Variants in LDLRAD4 observed in about 807,000 individuals in gnomAD.
LDLRAD4 encodes low-density lipoprotein receptor class A domain-containing protein 4.
Under a neutral mutation model 17.0 loss-of-function variants are expected in LDLRAD4, and 5 were observed. The ratio of observed to expected loss-of-function variants is 0.29; its 90% CI spans 0.15 to 0.62. The LOEUF is 0.62. Ranked by LOEUF, LDLRAD4 falls within the 20% of genes least tolerant of loss-of-function variation. The pLI is 0.84. For synonymous variants in LDLRAD4, 168 were observed against 171.8 expected, an observed-to-expected ratio of 0.98 and a Z score of 0.17; for missense variants, 340 against 424.7, an observed-to-expected ratio of 0.80 and a Z score of 1.75.
chr18:13,262,665 C>T (rs111657641), intron 1 of LDLRAD4, among the ~76,000 whole-genome samples: 4 of 74,280 alleles, frequency 5.4e-5, no homozygotes, highest in East Asian at 4.8e-4. Flanking sequence ...GAGTCCCGTG[C>T]GGCCCTGTGC....
At chr18:13,616,322 A>T (rs538618557) in intron 3 of LDLRAD4, among the ~76,000 whole-genome samples, 2 of 152,164 alleles carry the variant, frequency 1.3e-5, no homozygotes, top group Admixed American at 1.3e-4. Context: ...GGGCATCTCA[A>T]TGCAGGGCTC....
chr18:13,288,011 G>A (rs917704380), intron 1 of LDLRAD4, among the ~76,000 whole-genome samples: 5 of 152,194 alleles, frequency 3.3e-5, no homozygotes, highest in African/African-American at 1.2e-4. Flanking sequence ...TAAATGACCA[G>A]ATGCTACTAT....
chr18:13,644,220 C>T (rs1461325350), intron 5 of LDLRAD4, among the ~76,000 whole-genome samples: 1 of 151,804 alleles, frequency 6.6e-6, no homozygotes, highest in Non-Finnish European at 1.5e-5. Flanking sequence ...ATAAATCGAC[C>T]CAATGCTTTG....
At chr18:13,553,805 G>A (rs1342561173) in intron 3 of LDLRAD4, among the ~76,000 whole-genome samples, 2 of 152,106 alleles carry the variant, frequency 1.3e-5, no homozygotes, top group Non-Finnish European at 2.9e-5. Flanking sequence ...CCCCTTTACT[G>A]TTCATACATG....
chr18:13,297,921 T>G (rs564832969), intron 1 of LDLRAD4, among the ~76,000 whole-genome samples: 7 of 152,362 alleles, frequency 4.6e-5, no homozygotes, highest in African/African-American at 1.7e-4. Flanking sequence ...GGCCAGGATT[T>G]GGACTGAAGC....
chr18:13,518,261 G>A (rs1340985286), intron 3 of LDLRAD4, among the ~76,000 whole-genome samples: 2 of 152,040 alleles, frequency 1.3e-5, no homozygotes, highest in African/African-American at 2.4e-5. Flanking sequence ...CCATCTTTCT[G>A]CTTTTACATC....
intron 5 of LDLRAD4, among the ~76,000 whole-genome samples, chr18:13,643,667 C>T (rs1433555442): frequency 2.0e-5 from 3 of 152,168 alleles, no homozygotes; most frequent in Non-Finnish European, 4.4e-5. Flanking sequence ...TACATGATCC[C>T]GTAAGCTTCT....
At chr18:13,347,048 A>T (rs1477856126) in intron 1 of LDLRAD4, among the ~76,000 whole-genome samples, 3 of 152,310 alleles carry the variant, frequency 2.0e-5, no homozygotes, top group African/African-American at 7.2e-5. Flanking sequence ...GTGTTTTTTA[A>T]CTGGAGCATT....
intron 1 of LDLRAD4, among the ~76,000 whole-genome samples, chr18:13,322,577 G>C (rs916493125): frequency 6.6e-6 from 1 of 151,336 alleles, no homozygotes; most frequent in African/African-American, 2.4e-5. Context: ...CTCCCAAAGT[G>C]GCGTGAGCCA....
intron 4 of LDLRAD4, among the ~76,000 whole-genome samples, chr18:13,624,765 C>T (rs2040973675): frequency 1.3e-5 from 2 of 152,198 alleles, no homozygotes; most frequent in African/African-American, 2.4e-5. Context: ...TGGGAAGGCA[C>T]GGCTGGCTGG....
At chr18:13,579,216 T>C (rs1268608600) in intron 3 of LDLRAD4, among the ~76,000 whole-genome samples, 1 of 152,084 alleles carries the variant, frequency 6.6e-6, no homozygotes, top group Non-Finnish European at 1.5e-5. Flanking sequence ...AAAAATATAA[T>C]GCTATTTGTT....
At chr18:13,311,197 A>G (rs1191241181) in intron 1 of LDLRAD4, among the ~76,000 whole-genome samples, 6 of 152,336 alleles carry the variant, frequency 3.9e-5, no homozygotes, top group African/African-American at 1.2e-4. Flanking sequence ...GAGTACCAGG[A>G]CATGTAATGG....
At chr18:13,461,391 G>T (rs2092422415) in intron 3 of LDLRAD4, 1 of 152,268 alleles carries the variant, frequency 6.6e-6, no homozygotes, top group East Asian at 1.9e-4. Context: ...GAGGAAAATG[G>T]ATTCTAGGAA....
chr18:13,429,155 C>G (rs2090154869), intron 2 of LDLRAD4, among the ~76,000 whole-genome samples: 1 of 152,058 alleles, frequency 6.6e-6, no homozygotes. Context: ...ATGCGGTTCC[C>G]TGTGGGAGGG....
intron 3 of LDLRAD4, among the ~76,000 whole-genome samples, chr18:13,531,444 T>TAA (rs34206198): frequency 1.8e-4 from 25 of 138,052 alleles, no homozygotes; most frequent in African/African-American, 6.1e-4. Context: ...ACCCCATATC[T>TAA]AAAAAAAAAA....
intron 1 of LDLRAD4, among the ~76,000 whole-genome samples, chr18:13,239,047 C>T (rs914000083): frequency 2.0e-5 from 3 of 151,806 alleles, no homozygotes; most frequent in Non-Finnish European, 4.4e-5. Flanking sequence ...ATTAGCTGGG[C>T]GTGGTGGCGC....
intron 3 of LDLRAD4, chr18:13,521,307 A>G (rs573298945): frequency 5.9e-5 from 9 of 152,272 alleles, no homozygotes; most frequent in Non-Finnish European, 1.2e-4. Flanking sequence ...GAGAAGATTA[A>G]TTACCTTCTT....
chr18:13,448,738 G>A lies in LDLRAD4; in HGVS notation c.181+10354G>A, dbSNP rs545696732. The stretch of plus-strand genomic sequence containing the variant: ...TGCTTTGTCGCTTGGTTTGATGGCC[G>A]CTAATCACGTCTTGGTCTTGAAAAA... On this transcript the variant is annotated intron_variant, in intron 3 of 5. Transcript: ENST00000359446. Among the ~76,000 whole-genome samples, 27 of 152,122 alleles carry A rather than the reference G, an allele frequency of 1.8e-4. 1 individual carries two copies. Among genetic ancestry groups the A allele is most frequent in the African/African-American group, 4.3e-4 (18 of 41,488 alleles).
chr18:13,438,350 G>A (rs1411578383), exon 3 of LDLRAD4: 3 of 1,614,118 alleles, frequency 1.9e-6, no homozygotes, highest in Non-Finnish European at 2.5e-6. Flanking sequence ...ACTGTCTCCT[G>A]GTGACCGAGC....
Sources: allele counts gnomAD v4.1 joint callset (sites outside exome capture counted in the v4.1 genomes callset), GRCh38; gene constraint gnomAD v4.1.1; transcripts MANE v1.5; gene names NCBI Gene and HGNC (gene_info 2026-07-23, HGNC 2026-07-21).